The following FHOD3 variants were observed in gnomAD, a reference collection of about 807,000 sequenced individuals.
FHOD3 encodes the protein formin homology 2 domain containing 3.
FHOD3 carries 90 observed loss-of-function variants against 173.0 expected under a neutral mutation model. The ratio of observed to expected loss-of-function variants is 0.52; its 90% CI spans 0.44 to 0.62. FHOD3 has a LOEUF of 0.62. FHOD3 is among the 20% of genes least tolerant of loss of function. The pLI is 0.00. For missense variants in FHOD3, 1,945 were observed against 2,034.7 expected, an observed-to-expected ratio of 0.96 and a Z score of 0.85; for synonymous variants, 828 against 823.0, an observed-to-expected ratio of 1.01 and a Z score of -0.10.
chr18:36,682,838 C>G (rs2038345194), intron 15 of FHOD3, among the ~76,000 whole-genome samples: 1 of 152,200 alleles, frequency 6.6e-6, no homozygotes, highest in Admixed American at 6.5e-5. Context: ...CTCAGCCTCC[C>G]AAAGTGCTGG....
intron 10 of FHOD3, among the ~76,000 whole-genome samples, chr18:36,628,121 G>A (rs1022087917): frequency 1.3e-5 from 2 of 152,178 alleles, no homozygotes; most frequent in African/African-American, 4.8e-5. Flanking sequence ...AAAATATAGG[G>A]CAGTCTCCAC....
At chr18:36,573,124 T>C (rs978652951) in intron 5 of FHOD3, among the ~76,000 whole-genome samples, 6 of 150,560 alleles carry the variant, frequency 4.0e-5, no homozygotes, top group African/African-American at 1.5e-4. Context: ...ATGTAACACC[T>C]CACATTATTC....
intron 1 of FHOD3, among the ~76,000 whole-genome samples, chr18:36,348,595 G>A (rs930012375): frequency 1.3e-5 from 2 of 152,208 alleles, no homozygotes; most frequent in Admixed American, 6.5e-5. Flanking sequence ...TTGGGACTTC[G>A]TGTGTTCTTG....
chr18:36,443,351 T>C (rs1466474966), intron 3 of FHOD3, among the ~76,000 whole-genome samples: 2 of 152,238 alleles, frequency 1.3e-5, no homozygotes, highest in African/African-American at 4.8e-5. Context: ...TTCTCATCTC[T>C]ATTTATTTGT....
At chr18:36,344,341 C>T (rs996271879) in intron 1 of FHOD3, among the ~76,000 whole-genome samples, 3 of 152,148 alleles carry the variant, frequency 2.0e-5, no homozygotes, top group Non-Finnish European at 4.4e-5. Context: ...ATGCGTTTCT[C>T]ATTATCTCAA....
At chr18:36,690,089 A>G (rs2038866996) in intron 16 of FHOD3, among the ~76,000 whole-genome samples, 1 of 151,994 alleles carries the variant, frequency 6.6e-6, no homozygotes, top group South Asian at 2.1e-4. Flanking sequence ...GCTCTGGCGG[A>G]TGTTGGAGTT....
intron 1 of FHOD3, among the ~76,000 whole-genome samples, chr18:36,298,335 C>G (rs1228491083): frequency 6.6e-6 from 1 of 152,150 alleles, no homozygotes; most frequent in Admixed American, 6.5e-5. Flanking sequence ...GGCTAGGACG[C>G]GGGCAGTCGG....
intron 2 of FHOD3, among the ~76,000 whole-genome samples, chr18:36,357,536 A>C (rs1019774817): frequency 5.9e-5 from 9 of 152,204 alleles, no homozygotes; most frequent in Non-Finnish European, 1.2e-4. Context: ...CACCAATAGT[A>C]TGTGAGAAAG....
At position 36,325,630 on chromosome 18, in the gene FHOD3, C is replaced by T. The variant is rs549906395; in HGVS notation, c.165+27630C>T. ...CTTTATCCATAATAGATGGTGCTAGCGGTGGGCAGGGTGCTGTGGGCTGGA... is the reference window on the plus strand; with the variant it reads ...CTTTATCCATAATAGATGGTGCTAGTGGTGGGCAGGGTGCTGTGGGCTGGA... On this transcript the variant is annotated intron_variant, in intron 1 of 28. Coordinates refer to ENST00000590592, the MANE Select transcript of FHOD3 (RefSeq NM_001281740.3). Among the ~76,000 whole-genome samples, 9 of 152,258 alleles carry T rather than the reference C, an allele frequency of 5.9e-5. No homozygotes were observed. In the South Asian group the frequency reaches 1.2e-3, roughly 21 times the overall value.
At chr18:36,557,309 T>A (rs2057926912) in intron 5 of FHOD3, among the ~76,000 whole-genome samples, 1 of 152,252 alleles carries the variant, frequency 6.6e-6, no homozygotes, top group East Asian at 1.9e-4. Context: ...CGTTTACCGA[T>A]GCTATTTATT....
At chr18:36,535,466 A>G (rs1457211409) in intron 5 of FHOD3, among the ~76,000 whole-genome samples, 2 of 152,188 alleles carry the variant, frequency 1.3e-5, no homozygotes, top group African/African-American at 4.8e-5. Flanking sequence ...CTGGAAGGTC[A>G]TCAGTAGTAA....
At chr18:36,680,029 A>C (rs2038132200) in intron 14 of FHOD3, among the ~76,000 whole-genome samples, 1 of 152,246 alleles carries the variant, frequency 6.6e-6, no homozygotes, top group African/African-American at 2.4e-5. Flanking sequence ...GAATTCCCAC[A>C]AAATAATAAT....
chr18:36,600,860 T>C (rs2031277618), intron 7 of FHOD3, among the ~76,000 whole-genome samples: 2 of 152,346 alleles, frequency 1.3e-5, no homozygotes, highest in Admixed American at 6.5e-5. Flanking sequence ...TTAGTTTCGA[T>C]ACTTTCTCCC....
At chr18:36,554,639 TAAAA>T (rs1159326407) in intron 5 of FHOD3, among the ~76,000 whole-genome samples, 2 of 151,806 alleles carry the variant, frequency 1.3e-5, no homozygotes, top group African/African-American at 4.8e-5. Context: ...ATAATAATAA[TAAAA>T]AAAAGAATTG....
rs2042574789 is a variant in FHOD3, at chr18:36,755,153, C to T, written c.4267C>T (p.Pro1423Ser). ...CTTTTTACTCTTTATGGGCCATCCA[C>T]CTTATGCAATTCGGGAAGTGAACAT... ...HSFLLFMGHP[P>S]YAIREVNINK... Residue 1423 changes from proline (P) to serine (S), a missense_variant, in exon 25 of 29, where the codon CCT becomes TCT. This residue lies in a region of FHOD3 where 354 missense variants were observed against 359.9 expected (regional missense o/e 0.98). Coordinates refer to ENST00000590592, the MANE Select transcript of FHOD3 (RefSeq NM_001281740.3). 1 of 1,611,596 alleles carries T rather than the reference C, an allele frequency of 6.2e-7. No homozygotes were observed. The highest frequency in any genetic ancestry group is 8.5e-7 in the Non-Finnish European group (1 of 1,178,976).
chr18:36,405,469 T>C (rs759031065), intron 3 of FHOD3, among the ~76,000 whole-genome samples: 3 of 152,244 alleles, frequency 2.0e-5, no homozygotes, highest in Non-Finnish European at 2.9e-5. Context: ...ATGAGCCAAA[T>C]TGATAGTCAT....
At chr18:36,566,059 CT>C (rs1167386054) in intron 5 of FHOD3, among the ~76,000 whole-genome samples, 1 of 152,156 alleles carries the variant, frequency 6.6e-6, no homozygotes. Context: ...CTTAATTTCA[CT>C]GTCATATAGA....
chr18:36,578,934 A>G (rs1027077872), intron 6 of FHOD3, among the ~76,000 whole-genome samples: 4 of 152,108 alleles, frequency 2.6e-5, no homozygotes, highest in Admixed American at 6.5e-5. Flanking sequence ...TTTCCCTCAG[A>G]AGATTGAAAA....
At chr18:36,348,408 C>T (rs9951991) in intron 1 of FHOD3, among the ~76,000 whole-genome samples, 3,584 of 152,262 alleles carry the variant, frequency 0.024, 150 homozygotes, top group African/African-American at 0.082. Flanking sequence ...GAGGTAGGGT[C>T]CACAGCAACA....
Sources: gnomAD v4.1 joint callset for allele counts (sites outside exome capture counted in the v4.1 genomes callset) on GRCh38, gnomAD v4.1.1 for gene constraint, gnomAD v4.1.1 regional missense constraint, MANE v1.5 for transcripts, NCBI Gene and HGNC (gene_info 2026-07-23, HGNC 2026-07-21) for gene names.